RBFOX1: variants seen among roughly 807,000 people sequenced by gnomAD.
RBFOX1 encodes the protein RNA binding protein fox-1 homolog 1.
RBFOX1 carries 8 observed loss-of-function variants against 57.7 expected under a neutral mutation model. That is an observed-to-expected ratio of 0.14 (90% CI 0.08 to 0.25). The LOEUF (loss-of-function observed/expected upper bound fraction) is 0.25, where lower values mean the gene tolerates loss of function less well. Among genes scored for constraint, RBFOX1 ranks in the 10% least tolerant of loss-of-function variants. The probability of loss-of-function intolerance (pLI) is 1.00; values close to 1 mark genes in which losing one functional copy is unlikely to be tolerated. For missense variants in RBFOX1, 611 were observed against 548.5 expected, an observed-to-expected ratio of 1.11 and a Z score of -1.14; for synonymous variants, 326 against 222.4, an observed-to-expected ratio of 1.47 and a Z score of -4.15.
At chr16:7,106,870 C>G (rs1314915422) in intron 4 of RBFOX1, among the ~76,000 whole-genome samples, 2 of 151,976 alleles carry the variant, frequency 1.3e-5, no homozygotes, top group Non-Finnish European at 2.9e-5. Context: ...ATTCATGAAA[C>G]AAGTATTTAT....
intron 4 of RBFOX1, among the ~76,000 whole-genome samples, chr16:7,274,284 A>G (rs1440720869): frequency 1.3e-5 from 2 of 152,222 alleles, no homozygotes; most frequent in South Asian, 4.1e-4. Context: ...AATCGTCACA[A>G]CAGCCTCATA....
intron 2 of RBFOX1, among the ~76,000 whole-genome samples, chr16:6,651,167 G>T (rs1221809582): frequency 1.3e-5 from 2 of 152,180 alleles, no homozygotes; most frequent in Non-Finnish European, 2.9e-5. Flanking sequence ...CTCCCAGAGT[G>T]CTGGGATTGC....
chr16:6,542,982 C>G (rs933115897), intron 2 of RBFOX1, among the ~76,000 whole-genome samples: 2 of 152,116 alleles, frequency 1.3e-5, no homozygotes, highest in Non-Finnish European at 2.9e-5. Flanking sequence ...CCTGGATGCC[C>G]TACTCTTTAT....
At chr16:6,823,555 C>G (rs367987865) in intron 3 of RBFOX1, among the ~76,000 whole-genome samples, 6 of 152,182 alleles carry the variant, frequency 3.9e-5, no homozygotes, top group Non-Finnish European at 8.8e-5. Context: ...CTGTGTCTGG[C>G]CACCACATGA....
chr16:5,671,117 A>G lies in RBFOX1; in HGVS notation c.318+72156A>G, dbSNP rs185058294. 6.6e-5 allele frequency among the ~76,000 whole-genome samples: 10 copies of G among 152,310 alleles called. No individual in the cohort carries two copies. In the East Asian group the frequency reaches 1.7e-3, roughly 26 times the overall value. On this transcript the variant is annotated intron_variant, in intron 3 of 19. Transcript: ENST00000641259. ...ACATCCATTAGAAAGCACAAATTAG[A>G]CCATCTTGCTCTCTTCTGTGGATTC...
intron 14 of RBFOX1, among the ~76,000 whole-genome samples, chr16:7,693,061 G>T (rs1379669698): frequency 1.1e-4 from 17 of 152,080 alleles, no homozygotes; most frequent in Admixed American, 9.8e-4. Context: ...GCATGTTTTG[G>T]TAACACATAG....
chr16:6,791,007 G>T (rs1044563726), intron 3 of RBFOX1, among the ~76,000 whole-genome samples: 1 of 151,930 alleles, frequency 6.6e-6, no homozygotes, highest in Admixed American at 6.6e-5. Flanking sequence ...TCAGGTTCAG[G>T]TAATCCTTCC....
intron 3 of RBFOX1, among the ~76,000 whole-genome samples, chr16:5,692,389 G>A (rs1238470556): frequency 1.3e-5 from 2 of 152,068 alleles, no homozygotes; most frequent in African/African-American, 2.4e-5. Context: ...GCGGACCTCA[G>A]TCACACAGCT....
intron 2 of RBFOX1, among the ~76,000 whole-genome samples, chr16:6,614,247 G>C (rs890934814): frequency 3.9e-5 from 6 of 152,152 alleles, no homozygotes; most frequent in Non-Finnish European, 5.9e-5. Flanking sequence ...AAGGATGTCT[G>C]AAATGGACAA....
intron 3 of RBFOX1, among the ~76,000 whole-genome samples, chr16:5,773,312 AG>A (rs1340266442): frequency 1.3e-5 from 2 of 152,222 alleles, no homozygotes; most frequent in Non-Finnish European, 1.5e-5. Context: ...CTCAGTGGTA[AG>A]TATCATTAAC....
rs573790014 is a variant in RBFOX1, at chr16:6,996,132, C to G, written c.-15-55925C>G. On this transcript the variant is annotated intron_variant, in intron 3 of 15. Transcript: ENST00000550418. The stretch of plus-strand genomic sequence containing the variant: ...TCATGTCAAGAACATTTTATTGTAT[C>G]CTAATTATCTGAAACTTGGTCATCT... Among the ~76,000 whole-genome samples, 9 of 152,284 alleles carry G rather than the reference C, an allele frequency of 5.9e-5. No homozygotes were observed. The East Asian group carries it at 1.7e-3, about 29-fold the overall frequency.
chr16:6,124,668 A>AGTT (rs1446594005), intron 1 of RBFOX1, among the ~76,000 whole-genome samples: 2 of 151,896 alleles, frequency 1.3e-5, no homozygotes, highest in South Asian at 2.1e-4. Context: ...ATGCCCGGCT[A>AGTT]GTTGTTGTTG....
chr16:7,417,118 C>A (rs2098485564), intron 4 of RBFOX1, among the ~76,000 whole-genome samples: 1 of 151,864 alleles, frequency 6.6e-6, no homozygotes, highest in Non-Finnish European at 1.5e-5. Flanking sequence ...ACCTGTAATC[C>A]CAGCACTTTG....
chr16:5,774,268 C>T (rs903467651), intron 3 of RBFOX1, among the ~76,000 whole-genome samples: 7 of 152,178 alleles, frequency 4.6e-5, no homozygotes, highest in African/African-American at 7.2e-5. Context: ...CAGAGACCCA[C>T]AGACCAACAT....
chr16:7,004,078 T>C (rs1241244172), intron 3 of RBFOX1: 2 of 151,978 alleles, frequency 1.3e-5, no homozygotes, highest in Non-Finnish European at 2.9e-5. Flanking sequence ...TCTGTATCAT[T>C]CTAGTTTTAG....
At chr16:5,701,248 A>T (rs1364403912) in intron 3 of RBFOX1, among the ~76,000 whole-genome samples, 1 of 152,222 alleles carries the variant, frequency 6.6e-6, no homozygotes, top group East Asian at 1.9e-4. Context: ...CTGTTTCTTC[A>T]TACTTGAAGC....
chr16:7,451,831 C>T (rs1226305405), intron 4 of RBFOX1, among the ~76,000 whole-genome samples: 4 of 152,214 alleles, frequency 2.6e-5, no homozygotes, highest in Admixed American at 6.5e-5. Flanking sequence ...CTCCCAGTTC[C>T]CTAATCTAAT....
intron 2 of RBFOX1, among the ~76,000 whole-genome samples, chr16:6,648,940 C>A (rs890522781): frequency 6.6e-6 from 1 of 152,182 alleles, no homozygotes; most frequent in Non-Finnish European, 1.5e-5. Context: ...TACATTACCT[C>A]ACAACGTCAT....
intron 3 of RBFOX1, among the ~76,000 whole-genome samples, chr16:6,793,362 A>G (rs893094545): frequency 5.3e-5 from 8 of 152,110 alleles, no homozygotes; most frequent in African/African-American, 1.9e-4. Flanking sequence ...ATTTTCTTCC[A>G]TTGAGATTGA....
Sources: allele counts gnomAD v4.1 joint callset (sites outside exome capture counted in the v4.1 genomes callset), GRCh38; gene constraint gnomAD v4.1.1; transcripts MANE v1.5; gene names NCBI Gene and HGNC (gene_info 2026-07-23, HGNC 2026-07-21).